ERBB3: variants seen among roughly 807,000 people sequenced by gnomAD.
ERBB3 encodes the protein erb-b2 receptor tyrosine kinase 3.
A neutral mutation model predicts 156.7 loss-of-function variants in ERBB3; 96 were observed. The ratio of observed to expected loss-of-function variants is 0.61; its 90% CI spans 0.52 to 0.73. ERBB3 has a LOEUF of 0.73. ERBB3 is among the 30% of genes least tolerant of loss of function. ERBB3 has a pLI of 0.00. For synonymous variants in ERBB3, 567 were observed against 632.0 expected (o/e 0.90, Z 1.54); for missense variants, 1,406 against 1,709.4 (o/e 0.82, Z 3.13).
intron 26 of ERBB3, 35 bp downstream of exon 26, chr12:56,100,280 T>C (rs771433216): frequency 6.7e-6 from 10 of 1,498,666 alleles, no homozygotes; most frequent in Middle Eastern, 1.7e-4. Flanking sequence ...GGTTTTAGGA[T>C]CAGATTGATA....
Position 56,088,556 on chromosome 12 carries a change from G to A in ERBB3, c.888G>A (p.Val296=). 1 of 1,613,336 alleles carries A rather than the reference G, an allele frequency of 6.2e-7. No homozygotes were observed. Among genetic ancestry groups the A allele is most frequent in the Non-Finnish European group, 8.5e-7 (1 of 1,179,304 alleles). Residue 296 remains valine, a synonymous_variant, in exon 8 of 28, where the codon GTG becomes GTA. Transcript: ENST00000267101. ...CCTCTTCCCTAGATAACTTTGTGGT[G>A]GATCAAACATCCTGTGTCAGGGCCT... ...CVASCPHNFV[V]DQTSCVRACP... is the part of the protein sequence containing the mutation.
At position 56,099,654 on chromosome 12, in the gene ERBB3, T is replaced by C; in HGVS notation, c.2846T>C (p.Met949Thr). ...TCCTACATCTTATCTCCAGGTTGGA[T>C]GATTGATGAGAACATTCGCCCAACC... is the stretch of plus-strand genomic sequence containing the variant. ...DVYMVMVKCW[M>T]IDENIRPTFK... is the part of the protein sequence containing the mutation. Residue 949 changes from methionine to threonine, a missense_variant, in exon 24 of 28, where the codon ATG becomes ACG. By Grantham distance (81) the Met-to-Thr change is moderately conservative. This residue lies in a region of ERBB3 where 979 missense variants were observed against 1,219.6 expected (regional missense o/e 0.80). Coordinates refer to ENST00000267101, the MANE Select transcript of ERBB3 (RefSeq NM_001982.4). 6.2e-7 allele frequency: 1 copy of C among 1,613,752 alleles called. No homozygotes were observed. Among genetic ancestry groups the C allele is most frequent in the Non-Finnish European group, 8.5e-7 (1 of 1,179,778 alleles).
chr12:56,086,718 C>A, intron 4 of ERBB3, 62 bp downstream of exon 4: 2 of 1,604,706 alleles, frequency 1.2e-6, no homozygotes, highest in Non-Finnish European at 8.5e-7. Context: ...TCCCTTCTTT[C>A]CATCATCCTT....
chr12:56,102,834 A>AAAAAAT lies in ERBB3; in HGVS notation c.*779_*780insAAAAAT. The AAAAAAT allele has an allele frequency of 4.7e-6, 1 of 211,484 alleles. No individual in the cohort carries two copies. 13.1% of individuals were successfully genotyped at this position (211,484 alleles called of 1,614,324 possible). Reference sequence around the variant, plus strand: ...AAAAAAAAAAAAAAAAAAAAAAAAAACTTTAGAACTGGGTGCAGTGGCTCA... The same window carrying AAAAAAT: ...AAAAAAAAAAAAAAAAAAAAAAAAAAAAAAATCTTTAGAACTGGGTGCAGTGGCTCA... On this transcript the variant is annotated 3_prime_UTR_variant, in exon 28 of 28. Coordinates refer to ENST00000267101, the MANE Select transcript of ERBB3 (RefSeq NM_001982.4).
At chr12:56,084,360 C>T (rs1868404724) in intron 2 of ERBB3, among the ~76,000 whole-genome samples, 1 of 152,174 alleles carries the variant, frequency 6.6e-6, no homozygotes, top group Non-Finnish European at 1.5e-5. Flanking sequence ...CCTGTAATCC[C>T]AGCACTTTGG....
chr12:56,098,408 T>C, intron 21 of ERBB3, 92 bp from the exon 22 acceptor site: 1 of 980,238 alleles, frequency 1.0e-6, no homozygotes, highest in Non-Finnish European at 1.6e-6. Flanking sequence ...CGAGACTCCG[T>C]CTCAAAAAAA....
chr12:56,094,659 C>A, intron 15 of ERBB3, 103 bp downstream of exon 15: 1 of 1,403,296 alleles, frequency 7.1e-7, no homozygotes, highest in Non-Finnish European at 9.8e-7. Flanking sequence ...ATTCAAGAAT[C>A]ACTCCCAGCT....
intron 9 of ERBB3, among the ~76,000 whole-genome samples, chr12:56,089,993 CTT>C (rs758073549): frequency 2.0e-4 from 28 of 137,962 alleles, no homozygotes; most frequent in Non-Finnish European, 2.4e-4. Context: ...TCCCCATATA[CTT>C]TTTTTTTTTT....
At chr12:56,083,948 C>T (rs1868394780) in intron 2 of ERBB3, 46 bp downstream of exon 2, 1 of 1,575,982 alleles carries the variant, frequency 6.3e-7, no homozygotes, top group African/African-American at 1.3e-5. Context: ...TCTTTATTCT[C>T]CCCTAGAACC....
chr12:56,085,464 G>A (rs1157914967), intron 3 of ERBB3: 1 of 1,383,786 alleles, frequency 7.2e-7, no homozygotes, highest in East Asian at 2.5e-5. Flanking sequence ...TGTACCGGAG[G>A]CCAGGCCTGA....
chr12:56,091,909 A>G (rs1446692179), intron 9 of ERBB3, among the ~76,000 whole-genome samples: 1 of 151,902 alleles, frequency 6.6e-6, no homozygotes, highest in African/African-American at 2.4e-5. Flanking sequence ...TTGGCATTCT[A>G]CTGTTAGGAA....
At chr12:56,097,378 GC>G in intron 20 of ERBB3, 148 bp downstream of exon 20, 1 of 765,412 alleles carries the variant, frequency 1.3e-6, no homozygotes, top group Non-Finnish European at 2.3e-6. Flanking sequence ...TAGGAACCAG[GC>G]CACAGAGCAT....
At chr12:56,081,344 C>T (rs922956475) in intron 1 of ERBB3, among the ~76,000 whole-genome samples, 1 of 152,218 alleles carries the variant, frequency 6.6e-6, no homozygotes, top group Admixed American at 6.5e-5. Flanking sequence ...TTTGGGGTGT[C>T]TCTGGGACCG....
intron 15 of ERBB3, among the ~76,000 whole-genome samples, chr12:56,094,934 A>G (rs2136813874): frequency 6.7e-6 from 1 of 148,684 alleles, no homozygotes; most frequent in East Asian, 2.0e-4. Flanking sequence ...CTGGGCAACA[A>G]GAGTGAAACT....
intron 4 of ERBB3, among the ~76,000 whole-genome samples, chr12:56,087,035 G>C (rs1391977330): frequency 6.6e-6 from 1 of 151,906 alleles, no homozygotes; most frequent in African/African-American, 2.4e-5. Context: ...CTACTCAGGA[G>C]GCTGAGGCAG....
At chr12:56,088,351 T>C (rs1868555517) in intron 7 of ERBB3, among the ~76,000 whole-genome samples, 189 bp downstream of exon 7, 2 of 152,202 alleles carry the variant, frequency 1.3e-5, no homozygotes, top group African/African-American at 2.4e-5. Context: ...TCACCCTTAC[T>C]TCTGCTCCTT....
In ERBB3 at chr12:56,101,962, T is replaced by G. The variant is rs776852010; in HGVS notation, c.3936T>G (p.Thr1312=). ...APHVHYARLK[T]LRSLEATDSA... ...ATGTCCATTATGCCCGCCTAAAAAC[T>G]CTACGTAGCTTAGAGGCTACAGACT... The change falls in exon 28 of 28, where the codon ACT becomes ACG. Residue 1312 remains threonine, a synonymous_variant. Transcript: ENST00000267101. The G allele has an allele frequency of 6.2e-7, 1 of 1,613,722 alleles. No individual in the cohort carries two copies. Among genetic ancestry groups the G allele is most frequent in the South Asian group, 1.1e-5 (1 of 91,068 alleles).
chr12:56,101,847 G>C lies in ERBB3; in HGVS notation c.3821G>C (p.Gly1274Ala). Residue 1274 changes from glycine (G) to alanine (A), a missense_variant, in exon 28 of 28, where the codon GGT becomes GCT. Around this residue, in one of 3 missense-constraint regions of ERBB3, gnomAD observed 415 missense variants for 454.1 expected, o/e 0.91. Transcript: ENST00000267101. The part of the protein sequence containing the change: ...NRQRDGGGPG[G>A]DYAAMGACPA... Reference sequence around the variant, plus strand: ...CAACGAGATGGAGGTGGTCCTGGGGGTGATTATGCAGCCATGGGGGCCTGC... The same window carrying C: ...CAACGAGATGGAGGTGGTCCTGGGGCTGATTATGCAGCCATGGGGGCCTGC... 5.6e-6 allele frequency: 9 copies of C among 1,613,448 alleles called. No homozygotes were observed. The highest frequency in any genetic ancestry group is 7.6e-6 in the Non-Finnish European group (9 of 1,179,884).
intron 20 of ERBB3, 27 bp from the exon 21 acceptor site, chr12:56,097,758 G>A (rs2136819597): frequency 1.9e-6 from 3 of 1,610,358 alleles, no homozygotes; most frequent in South Asian, 2.2e-5. Context: ...CCAACCTTAA[G>A]AATACTTTCT....
Sources: allele counts gnomAD v4.1 joint callset (sites outside exome capture counted in the v4.1 genomes callset), GRCh38; gene constraint gnomAD v4.1.1; regional missense constraint gnomAD v4.1.1; transcripts MANE v1.5; gene names NCBI Gene and HGNC (gene_info 2026-07-23, HGNC 2026-07-21).